Variants in KLHL1 observed in about 807,000 individuals in gnomAD.
KLHL1 encodes the protein kelch-like protein 1.
A neutral mutation model predicts 77.7 loss-of-function variants in KLHL1; 47 were observed. That is an observed-to-expected ratio of 0.60 (90% confidence interval 0.48 to 0.77). The LOEUF is 0.77. KLHL1 is among the 30% of genes least tolerant of loss of function. The pLI is 0.00. For missense variants in KLHL1, 925 were observed against 910.8 expected (o/e 1.02, Z -0.20); for synonymous variants, 360 against 325.2 (o/e 1.11, Z -1.15).
chr13:69,959,455 G>A (rs1385572792), intron 3 of KLHL1, among the ~76,000 whole-genome samples: 1 of 151,200 alleles, frequency 6.6e-6, no homozygotes, highest in East Asian at 2.0e-4. Context: ...TATGCAAATT[G>A]AAATTGACCA....
At chr13:69,994,056 C>T (rs1458769711) in intron 1 of KLHL1, among the ~76,000 whole-genome samples, 1 of 145,122 alleles carries the variant, frequency 6.9e-6, no homozygotes, top group Non-Finnish European at 1.5e-5. Flanking sequence ...GTACAAAGGA[C>T]TAATGATAAG....
At chr13:69,936,951 C>T (rs1365180168) in intron 4 of KLHL1, among the ~76,000 whole-genome samples, 1 of 152,150 alleles carries the variant, frequency 6.6e-6, no homozygotes, top group African/African-American at 2.4e-5. Context: ...ACATATCTTC[C>T]TGCAACTGCC....
chr13:69,805,302 A>C (rs1314943100), intron 6 of KLHL1, among the ~76,000 whole-genome samples: 1 of 151,968 alleles, frequency 6.6e-6, no homozygotes, highest in Non-Finnish European at 1.5e-5. Context: ...CTAGATGTTG[A>C]AGTAGATCTA....
intron 5 of KLHL1, among the ~76,000 whole-genome samples, chr13:69,878,394 C>T (rs1416312280): frequency 6.6e-6 from 1 of 152,006 alleles, no homozygotes; most frequent in Non-Finnish European, 1.5e-5. Context: ...CTCTCACTCA[C>T]CTGAAATTGG....
chr13:69,712,665 A>G (rs1341418306), intron 9 of KLHL1, among the ~76,000 whole-genome samples: 1 of 151,850 alleles, frequency 6.6e-6, no homozygotes, highest in African/African-American at 2.4e-5. Flanking sequence ...TTTTAGGATC[A>G]TATTTCCAAT....
At position 70,086,572 on chromosome 13, in the gene KLHL1, CAAAA is replaced by C. The variant is rs1211467536; in HGVS notation, c.497+20627_497+20630del. 2.4e-4 allele frequency among the ~76,000 whole-genome samples: 9 copies of C among 36,758 alleles called. No individual in the cohort carries two copies. The South Asian group carries it at 4.4e-3, about 18-fold the overall frequency. The allele number at this position is 36,758 out of a possible 152,430, so 24.1% of individuals were successfully genotyped here. A position where few individuals can be genotyped will look rare whatever the true frequency, so the allele number is the denominator to read the frequency against. On this transcript the variant is annotated intron_variant, in intron 1 of 10. Transcript: ENST00000377844. ...TGGGTGACAGAGGGAAGCTCTGTCT[CAAAA>C]AAAAAAAAAAAAAAAAAGAAAGAAA... is the stretch of plus-strand genomic sequence containing the variant.
chr13:69,738,627 A>C (rs1194347785), intron 8 of KLHL1, among the ~76,000 whole-genome samples: 1 of 152,066 alleles, frequency 6.6e-6, no homozygotes, highest in African/African-American at 2.4e-5. Flanking sequence ...TAGCTGGATA[A>C]GCCAAGCAGA....
intron 1 of KLHL1, among the ~76,000 whole-genome samples, chr13:69,996,009 C>A (rs980793837): frequency 5.9e-5 from 9 of 152,048 alleles, no homozygotes; most frequent in Non-Finnish European, 1.2e-4. Context: ...GCATCACATT[C>A]AAAACTTGAA....
chr13:70,008,563 G>A (rs1340137661), intron 1 of KLHL1, among the ~76,000 whole-genome samples: 1 of 151,850 alleles, frequency 6.6e-6, no homozygotes, highest in Non-Finnish European at 1.5e-5. Context: ...CAGTAATATT[G>A]GTCATTTATC....
chr13:69,762,569 T>C (rs2137967473), intron 7 of KLHL1, among the ~76,000 whole-genome samples: 1 of 151,332 alleles, frequency 6.6e-6, no homozygotes, highest in African/African-American at 2.4e-5. Context: ...TTTAAAACTT[T>C]GAATCTTAGG....
chr13:70,074,480 C>T (rs1275758483), intron 1 of KLHL1, among the ~76,000 whole-genome samples: 1 of 151,968 alleles, frequency 6.6e-6, no homozygotes. Context: ...TCATATCCCA[C>T]CACTGATTGA....
intron 7 of KLHL1, among the ~76,000 whole-genome samples, chr13:69,750,910 T>C (rs1332832806): frequency 6.6e-6 from 1 of 152,060 alleles, no homozygotes; most frequent in African/African-American, 2.4e-5. Context: ...AATATGGTGA[T>C]TCTAATTTAA....
At chr13:69,739,539 A>G (rs530593586) in intron 8 of KLHL1, among the ~76,000 whole-genome samples, 1 of 152,338 alleles carries the variant, frequency 6.6e-6, no homozygotes, top group Non-Finnish European at 1.5e-5. Context: ...AGACAAAATA[A>G]AAGGATGGAG....
chr13:69,778,539 G>A (rs150533289), intron 7 of KLHL1, among the ~76,000 whole-genome samples: 185 of 152,186 alleles, frequency 1.2e-3, no homozygotes, highest in African/African-American at 4.4e-3. Context: ...ATAAGACATA[G>A]TTCTTGATTG....
chr13:69,716,568 T>G (rs1212217811), intron 9 of KLHL1, among the ~76,000 whole-genome samples: 1 of 152,142 alleles, frequency 6.6e-6, no homozygotes, highest in Non-Finnish European at 1.5e-5. Context: ...TATTACAAAG[T>G]CTGGTATAGA....
intron 1 of KLHL1, among the ~76,000 whole-genome samples, chr13:69,977,792 A>C (rs1884588975): frequency 6.6e-6 from 1 of 152,162 alleles, no homozygotes; most frequent in Non-Finnish European, 1.5e-5. Flanking sequence ...AGTAAAGTGT[A>C]AACAACAACA....
chr13:69,926,814 G>A (rs1453283917), intron 4 of KLHL1, among the ~76,000 whole-genome samples: 1 of 151,652 alleles, frequency 6.6e-6, no homozygotes, highest in African/African-American at 2.4e-5. Flanking sequence ...GGGTATGGTG[G>A]CGGGTGCCTG....
At chr13:69,778,291 A>G (rs1875937014) in intron 7 of KLHL1, among the ~76,000 whole-genome samples, 1 of 152,280 alleles carries the variant, frequency 6.6e-6, no homozygotes, top group African/African-American at 2.4e-5. Flanking sequence ...TAAAATTAAT[A>G]CTGTGACTCA....
Position 70,023,275 on chromosome 13 carries a change from C to T in KLHL1, c.498-47473G>A, listed in dbSNP as rs542872415. 1.2e-3 allele frequency among the ~76,000 whole-genome samples: 187 copies of T among 151,928 alleles called. 2 individuals are homozygous for T. The highest frequency in any genetic ancestry group is 4.2e-3 in the African/African-American group (175 of 41,514). On this transcript the variant is annotated intron_variant, in intron 1 of 10. Coordinates refer to ENST00000377844, the MANE Select transcript of KLHL1 (RefSeq NM_020866.3). ...AATTTTTGTTGCATATGTTTTATTG[C>T]TCCATACCTCTCTCTACGTGTGTGT... is the stretch of plus-strand genomic sequence containing the variant.
Sources: gnomAD v4.1 joint callset for allele counts (sites outside exome capture counted in the v4.1 genomes callset) on GRCh38, gnomAD v4.1.1 for gene constraint, MANE v1.5 for transcripts, NCBI Gene and HGNC (gene_info 2026-07-23, HGNC 2026-07-21) for gene names.